The following AP3B1 variants were observed in gnomAD, a reference collection of about 807,000 sequenced individuals.
The protein encoded by AP3B1 is adaptor related protein complex 3 subunit beta 1, also known as AP-3 complex subunit beta-1.
In AP3B1, 61 loss-of-function variants were observed where a neutral mutation model predicts 132.5. The ratio of observed to expected loss-of-function variants is 0.46; its 90% CI spans 0.37 to 0.57. The LOEUF (loss-of-function observed/expected upper bound fraction) is 0.57. AP3B1 is among the 20% of genes least tolerant of loss of function. The pLI, the probability that AP3B1 is intolerant of heterozygous loss-of-function variation, is 0.00. For missense variants in AP3B1, 1,120 were observed against 1,289.4 expected, an observed-to-expected ratio of 0.87 and a Z score of 2.01; for synonymous variants, 388 against 438.3, an observed-to-expected ratio of 0.89 and a Z score of 1.43.
intron 21 of AP3B1, among the ~76,000 whole-genome samples, chr5:78,098,771 G>T (rs1751007614): frequency 6.6e-6 from 1 of 152,156 alleles, no homozygotes; most frequent in African/African-American, 2.4e-5. Flanking sequence ...GAGCCACTCT[G>T]TACACTAGGA....
intron 2 of AP3B1, among the ~76,000 whole-genome samples, chr5:78,264,567 T>G (rs1748239945): frequency 6.6e-6 from 1 of 152,204 alleles, no homozygotes; most frequent in African/African-American, 2.4e-5. Flanking sequence ...GAATTCATCC[T>G]GATGCACACT....
chr5:78,181,731 G>T, intron 7 of AP3B1, 69 bp from the exon 8 acceptor site: 1 of 1,435,940 alleles, frequency 7.0e-7, no homozygotes, highest in Non-Finnish European at 9.5e-7. Context: ...TATAGTCAAA[G>T]AAAACTTTCC....
At chr5:78,131,589 A>G (rs1402315459) in intron 15 of AP3B1, among the ~76,000 whole-genome samples, 1 of 152,094 alleles carries the variant, frequency 6.6e-6, no homozygotes, top group Admixed American at 6.5e-5. Flanking sequence ...AAAATATGTC[A>G]TCAATTTAGA....
intron 9 of AP3B1, among the ~76,000 whole-genome samples, chr5:78,176,631 A>G (rs909129835): frequency 6.6e-6 from 1 of 152,244 alleles, no homozygotes; most frequent in African/African-American, 2.4e-5. Context: ...AGGTATTCTT[A>G]AACACAGAAA....
rs1743141083 is a variant in AP3B1 at position 78,156,196 on chromosome 5, A to G, written c.1473+62T>C. On this transcript the variant is annotated intron_variant, in intron 14 of 26. Transcript: ENST00000255194. ...CCATTACCCTTTAGGCTGACCATTT[A>G]TTTTAACAAAATTACAACTTACTGA... 1.2e-5 allele frequency: 15 copies of G among 1,242,548 alleles called. No homozygotes were observed. The East Asian group carries it at 3.5e-4, about 29-fold the overall frequency. 77.0% of individuals were successfully genotyped at this position (1,242,548 alleles called of 1,614,324 possible).
chr5:78,114,174 C>A (rs1181041447), intron 18 of AP3B1, among the ~76,000 whole-genome samples: 2 of 152,048 alleles, frequency 1.3e-5, no homozygotes, highest in Non-Finnish European at 2.9e-5. Context: ...CAAAGGTGAA[C>A]CAAGTAAACC....
chr5:78,255,014 T>C (rs1483000643), intron 2 of AP3B1, among the ~76,000 whole-genome samples: 1 of 152,160 alleles, frequency 6.6e-6, no homozygotes, highest in East Asian at 1.9e-4. Flanking sequence ...CAAATAGTGT[T>C]AAATTACTAT....
chr5:78,271,672 G>C (rs1043381428), intron 1 of AP3B1, among the ~76,000 whole-genome samples: 2 of 152,102 alleles, frequency 1.3e-5, no homozygotes, highest in Admixed American at 1.3e-4. Flanking sequence ...TACTTGTGAG[G>C]ACTAAACTCT....
chr5:78,223,714 C>T (rs760031770), intron 6 of AP3B1, among the ~76,000 whole-genome samples: 12 of 152,046 alleles, frequency 7.9e-5, no homozygotes, highest in African/African-American at 2.2e-4. Context: ...TTCTTTCTCT[C>T]GACACAAACA....
intron 11 of AP3B1, among the ~76,000 whole-genome samples, chr5:78,175,135 C>T (rs935230021): frequency 6.6e-6 from 1 of 152,220 alleles, no homozygotes; most frequent in African/African-American, 2.4e-5. Context: ...CCCGGCTTCC[C>T]GTGGCTAGGA....
chr5:78,294,698 C>A lies in AP3B1; in HGVS notation c.-119G>T. ...ACGGAGGAGCGCGCGCAGGCGCTTC[C>A]GGACTCGTCACGGCTCCCTGAGCCG... On this transcript the variant is annotated 5_prime_UTR_variant, in exon 1 of 27. Transcript: ENST00000255194. The A allele has an allele frequency of 6.6e-7, 1 of 1,524,350 alleles. No individual in the cohort carries two copies. The highest frequency in any genetic ancestry group is 9.0e-7 in the Non-Finnish European group (1 of 1,113,958). 94.4% of individuals were successfully genotyped at this position (1,524,350 alleles called of 1,614,324 possible). A position where few individuals can be genotyped will look rare whatever the true frequency, so the allele number is the denominator to read the frequency against.
At chr5:78,191,464 G>C (rs541894163) in intron 7 of AP3B1, among the ~76,000 whole-genome samples, 1 of 151,330 alleles carries the variant, frequency 6.6e-6, no homozygotes, top group Admixed American at 6.6e-5. Flanking sequence ...AGTAACAAAA[G>C]GTGAGGCCAG....
At chr5:78,153,362 T>G (rs1753749403) in intron 14 of AP3B1, among the ~76,000 whole-genome samples, 1 of 152,168 alleles carries the variant, frequency 6.6e-6, no homozygotes, top group Non-Finnish European at 1.5e-5. Flanking sequence ...GATGTAAGTA[T>G]AGCAACACCT....
chr5:78,043,965 C>G (rs1748208276), intron 22 of AP3B1: 2 of 309,014 alleles, frequency 6.5e-6, no homozygotes, highest in Non-Finnish European at 1.3e-5. Flanking sequence ...AAGGGTTTGT[C>G]AGGCTCTTAC....
intron 22 of AP3B1, 103 bp downstream of exon 22, chr5:78,089,290 T>C: frequency 1.2e-6 from 1 of 857,908 alleles, no homozygotes; most frequent in Non-Finnish European, 1.9e-6. Context: ...TAGAGAAGAA[T>C]CTGTTCAAAA....
intron 9 of AP3B1, 148 bp downstream of exon 9, chr5:78,177,191 T>C: frequency 1.6e-6 from 1 of 621,038 alleles, no homozygotes; most frequent in Non-Finnish European, 2.8e-6. Context: ...AAGACTTTTA[T>C]AATAATCCCC....
chr5:78,162,987 T>C (rs1208908362), intron 12 of AP3B1, 36 bp from the exon 13 acceptor site: 3 of 1,597,734 alleles, frequency 1.9e-6, no homozygotes, highest in Non-Finnish European at 2.6e-6. Context: ...TACACACTGG[T>C]ATTATTGAGT....
chr5:78,144,393 T>C (rs1483741824), intron 14 of AP3B1, among the ~76,000 whole-genome samples: 1 of 152,216 alleles, frequency 6.6e-6, no homozygotes, highest in Non-Finnish European at 1.5e-5. Flanking sequence ...AGAAAGATTT[T>C]GCAGATCACT....
chr5:78,149,191 A>T (rs75207553), intron 14 of AP3B1, among the ~76,000 whole-genome samples: 4,704 of 152,290 alleles, frequency 0.031, 103 homozygotes, highest in Non-Finnish European at 0.045. Flanking sequence ...GACCGGTGAC[A>T]ATTTAAATAT....
Sources: allele counts gnomAD v4.1 joint callset (sites outside exome capture counted in the v4.1 genomes callset), GRCh38; gene constraint gnomAD v4.1.1; transcripts MANE v1.5; gene names NCBI Gene and HGNC (gene_info 2026-07-23, HGNC 2026-07-21).